GNAI1: variants seen among roughly 807,000 people sequenced by gnomAD.
GNAI1 encodes G protein subunit alpha i1.
Under a neutral mutation model 38.9 loss-of-function variants are expected in GNAI1, and 11 were observed. That is an observed-to-expected ratio of 0.28 (90% CI 0.18 to 0.47). The LOEUF (loss-of-function observed/expected upper bound fraction) is 0.47, where lower values mean the gene tolerates loss of function less well. Among genes scored for constraint, GNAI1 ranks in the 20% least tolerant of loss-of-function variants. The probability of loss-of-function intolerance (pLI) is 0.99; values close to 1 mark genes in which losing one functional copy is unlikely to be tolerated. For synonymous variants in GNAI1, 166 were observed against 145.1 expected, an observed-to-expected ratio of 1.14 and a Z score of -1.04; for missense variants, 317 against 436.9, an observed-to-expected ratio of 0.73 and a Z score of 2.45.
chr7:80,213,831 C>G (rs1015048026), intron 7 of GNAI1, among the ~76,000 whole-genome samples: 3 of 147,456 alleles, frequency 2.0e-5, no homozygotes, highest in African/African-American at 7.4e-5. Context: ...TACCCTCACC[C>G]CACTCTTCCT....
At chr7:80,182,766 A>G (rs1788316926) in intron 1 of GNAI1, among the ~76,000 whole-genome samples, 1 of 152,194 alleles carries the variant, frequency 6.6e-6, no homozygotes, top group Non-Finnish European at 1.5e-5. Context: ...CCCTTTATAC[A>G]TTACAGCCTA....
chr7:80,146,284 C>A, intron 1 of GNAI1, among the ~76,000 whole-genome samples: 1 of 152,162 alleles, frequency 6.6e-6, no homozygotes, highest in East Asian at 1.9e-4. Flanking sequence ...AGCTTGCAGG[C>A]TCTGCCATGG....
chr7:80,217,337 T>C lies in GNAI1; in HGVS notation c.909T>C (p.Ile303=), dbSNP rs1170193785. The change falls in exon 8 of 8, where the codon ATT becomes ATC. Residue 303 remains isoleucine, a synonymous_variant. Coordinates refer to ENST00000649796, the MANE Select transcript of GNAI1 (RefSeq NM_002069.6). The stretch of plus-strand genomic sequence containing the variant: ...CATATGAAGAGGCAGCTGCATATAT[T>C]CAATGTCAGTTTGAAGACCTCAATA... ...SNTYEEAAAY[I]QCQFEDLNKR... is the part of the protein sequence containing the mutation. The C allele has an allele frequency of 1.2e-6, 2 of 1,600,354 alleles. No homozygotes were observed. The highest frequency in any genetic ancestry group is 2.7e-5 in the African/African-American group (2 of 74,136).
chr7:80,211,862 G>A (rs1158552409), intron 6 of GNAI1, among the ~76,000 whole-genome samples: 1 of 152,152 alleles, frequency 6.6e-6, no homozygotes, highest in Non-Finnish European at 1.5e-5. Flanking sequence ...CAAAGTGGGG[G>A]AAAAAGTAGA....
chr7:80,191,119 C>T (rs908638566), intron 3 of GNAI1, among the ~76,000 whole-genome samples: 3 of 152,084 alleles, frequency 2.0e-5, no homozygotes, highest in African/African-American at 7.2e-5. Flanking sequence ...TGTTTGCTTT[C>T]TCCATCATCA....
chr7:80,184,440 C>T lies in GNAI1; in HGVS notation c.119-4511C>T, dbSNP rs879771308. Among the ~76,000 whole-genome samples, 9 of 152,234 alleles carry T rather than the reference C, an allele frequency of 5.9e-5. No individual in the cohort carries two copies. In the South Asian group the frequency reaches 1.2e-3, roughly 21 times the overall value. On this transcript the variant is annotated intron_variant, in intron 1 of 7. Coordinates refer to ENST00000649796, the MANE Select transcript of GNAI1 (RefSeq NM_002069.6). ...GGCCTGCTAGCGCTTGGGAGAGGAGCCTGTGCAGTGTGCTTACTGGAGTTG... is the reference window on the plus strand; with the variant it reads ...GGCCTGCTAGCGCTTGGGAGAGGAGTCTGTGCAGTGTGCTTACTGGAGTTG...
At chr7:80,142,267 A>T (rs1030688827) in intron 1 of GNAI1, among the ~76,000 whole-genome samples, 2 of 152,202 alleles carry the variant, frequency 1.3e-5, no homozygotes, top group Non-Finnish European at 2.9e-5. Flanking sequence ...AAAGTGCAAA[A>T]TAATTGTAAT....
intron 1 of GNAI1, among the ~76,000 whole-genome samples, chr7:80,155,225 C>T (rs949706423): frequency 1.3e-5 from 2 of 152,090 alleles, no homozygotes; most frequent in African/African-American, 4.8e-5. Flanking sequence ...TGAAGGAAGA[C>T]AGAATATTCT....
At chr7:80,162,936 T>C (rs1256931788) in intron 1 of GNAI1, among the ~76,000 whole-genome samples, 21 of 152,218 alleles carry the variant, frequency 1.4e-4, no homozygotes, top group Admixed American at 1.4e-3. Context: ...TTAATCTTAT[T>C]CTTGTCTTCC....
intron 1 of GNAI1, among the ~76,000 whole-genome samples, chr7:80,146,687 A>C (rs1376216508): frequency 6.6e-6 from 1 of 152,180 alleles, no homozygotes; most frequent in African/African-American, 2.4e-5. Context: ...TTGCTGAGCC[A>C]CAGTCCAGTC....
At chr7:80,164,491 A>G (rs555656635) in intron 1 of GNAI1, among the ~76,000 whole-genome samples, 98 of 151,324 alleles carry the variant, frequency 6.5e-4, no homozygotes, top group African/African-American at 2.3e-3. Context: ...CCTCCCTAGT[A>G]GCTGGGACTA....
rs192261665 is a variant in GNAI1, at chr7:80,212,039, G to C, written c.721-677G>C. Among the ~76,000 whole-genome samples the C allele has an allele frequency of 1.9e-3, 293 of 152,192 alleles. 1 individual carries two copies. The highest frequency in any genetic ancestry group is 6.6e-3 in the African/African-American group (275 of 41,524). On this transcript the variant is annotated intron_variant, in intron 6 of 7. Coordinates refer to ENST00000649796, the MANE Select transcript of GNAI1 (RefSeq NM_002069.6). The stretch of plus-strand genomic sequence containing the variant: ...TTCCACAGAACTGCCTGCTGGACTT[G>C]AGTGTATGCACATTTTGGTACCCTT...
intron 1 of GNAI1, among the ~76,000 whole-genome samples, chr7:80,161,777 C>T (rs929421062): frequency 1.3e-5 from 2 of 151,802 alleles, no homozygotes; most frequent in African/African-American, 4.8e-5. Flanking sequence ...TTTTAGCATC[C>T]CTTGGTTTAT....
intron 1 of GNAI1, among the ~76,000 whole-genome samples, chr7:80,147,634 C>T (rs894847369): frequency 6.6e-6 from 1 of 152,174 alleles, no homozygotes; most frequent in Non-Finnish European, 1.5e-5. Flanking sequence ...CGTGCTGCTT[C>T]CCCATCACTT....
At chr7:80,164,844 A>G (rs1787986006) in intron 1 of GNAI1, among the ~76,000 whole-genome samples, 1 of 151,354 alleles carries the variant, frequency 6.6e-6, no homozygotes, top group Admixed American at 6.5e-5. Context: ...ATTTAATAAT[A>G]GCTGATTGAC....
At chr7:80,156,434 CT>C (rs796237047) in intron 1 of GNAI1, among the ~76,000 whole-genome samples, 239 of 144,142 alleles carry the variant, frequency 1.7e-3, no homozygotes, top group Middle Eastern at 3.6e-3. Context: ...TAAAGGAAAG[CT>C]TTTTTTTTTT....
At chr7:80,200,260 A>G (rs1788656319) in intron 4 of GNAI1, among the ~76,000 whole-genome samples, 1 of 125,908 alleles carries the variant, frequency 7.9e-6, no homozygotes, top group African/African-American at 2.9e-5. Flanking sequence ...CAGGACTTTG[A>G]GTTTGCAGTG....
intron 1 of GNAI1, among the ~76,000 whole-genome samples, chr7:80,162,625 G>A (rs1787943628): frequency 6.6e-6 from 1 of 152,188 alleles, no homozygotes; most frequent in Non-Finnish European, 1.5e-5. Context: ...TAACATTTCA[G>A]TACCAGTGGA....
At chr7:80,216,288 C>T (rs564365460) in intron 7 of GNAI1, among the ~76,000 whole-genome samples, 39 of 151,026 alleles carry the variant, frequency 2.6e-4, no homozygotes, top group Admixed American at 1.1e-3. Flanking sequence ...AAAGCCCCAT[C>T]ATGCTTCCTC....
Sources: allele counts gnomAD v4.1 joint callset (sites outside exome capture counted in the v4.1 genomes callset), GRCh38; gene constraint gnomAD v4.1.1; transcripts MANE v1.5; gene names NCBI Gene and HGNC (gene_info 2026-07-23, HGNC 2026-07-21).